FAM81A: variants seen among roughly 807,000 people sequenced by gnomAD.
The protein encoded by FAM81A is family with sequence similarity 81 member A, also known as protein FAM81A.
A neutral mutation model predicts 46.7 loss-of-function variants in FAM81A; 19 were observed. The observed-to-expected ratio is 0.41, with a 90% CI of 0.28 to 0.60. The LOEUF is 0.60. Ranked by LOEUF, FAM81A falls within the 20% of genes least tolerant of loss-of-function variation. FAM81A has a pLI of 0.34. For missense variants in FAM81A, 377 were observed against 453.5 expected, an observed-to-expected ratio of 0.83 and a Z score of 1.53; for synonymous variants, 183 against 152.9, an observed-to-expected ratio of 1.20 and a Z score of -1.45.
intron 3 of FAM81A, among the ~76,000 whole-genome samples, chr15:59,478,238 C>T (rs951814338): frequency 6.6e-6 from 1 of 152,164 alleles, no homozygotes; most frequent in Non-Finnish European, 1.5e-5. Flanking sequence ...TACTTTAGTT[C>T]CCATGTGCTC....
intron 4 of FAM81A, among the ~76,000 whole-genome samples, chr15:59,502,938 G>A (rs2082110515): frequency 6.6e-6 from 1 of 152,026 alleles, no homozygotes; most frequent in East Asian, 1.9e-4. Context: ...GAAAGAATCA[G>A]AAATGCAATT....
chr15:59,467,635 A>G (rs1002029968), intron 3 of FAM81A, among the ~76,000 whole-genome samples: 1 of 152,184 alleles, frequency 6.6e-6, no homozygotes, highest in South Asian at 2.1e-4. Context: ...TTCTAAATAT[A>G]CAATCATGTC....
At chr15:59,502,437 A>T (rs945065156) in intron 4 of FAM81A, among the ~76,000 whole-genome samples, 17 of 148,836 alleles carry the variant, frequency 1.1e-4, no homozygotes, top group Admixed American at 6.7e-4. Context: ...GGTGTTTGGT[A>T]TTTTGAAGAA....
At chr15:59,423,834 CTTA>C (rs1402253555) in intron 2 of FAM81A, among the ~76,000 whole-genome samples, 1 of 152,198 alleles carries the variant, frequency 6.6e-6, no homozygotes, top group African/African-American at 2.4e-5. Context: ...CTGCCTCTCT[CTTA>C]TATCACTGAT....
chr15:59,470,263 G>A (rs1489085363), intron 3 of FAM81A, among the ~76,000 whole-genome samples: 2 of 152,118 alleles, frequency 1.3e-5, no homozygotes, highest in East Asian at 3.8e-4. Context: ...TGGCTAGGTT[G>A]GGGAAATTCT....
At chr15:59,402,156 T>C (rs2081073960) in intron 1 of FAM81A, 1 of 244,906 alleles carries the variant, frequency 4.1e-6, no homozygotes, top group African/African-American at 2.3e-5. Flanking sequence ...TGCTATAAAG[T>C]AATAAACTCA....
chr15:59,418,285 A>T (rs184304656), intron 2 of FAM81A, among the ~76,000 whole-genome samples: 2 of 152,248 alleles, frequency 1.3e-5, no homozygotes, highest in African/African-American at 4.8e-5. Context: ...CAGAGGCAAC[A>T]AACAGTGACA....
At chr15:59,446,868 T>C (rs2081359155) in intron 1 of FAM81A, among the ~76,000 whole-genome samples, 1 of 152,194 alleles carries the variant, frequency 6.6e-6, no homozygotes, top group African/African-American at 2.4e-5. Context: ...TAAAAATTGA[T>C]AGCAAACTTC....
Position 59,426,434 on chromosome 15 carries a change from C to T in FAM81A, c.-78+24076C>T, listed in dbSNP as rs143864059. Among the ~76,000 whole-genome samples the T allele has an allele frequency of 2.0e-3, 304 of 152,210 alleles. 1 individual carries two copies. Among genetic ancestry groups the T allele is most frequent in the African/African-American group, 6.9e-3 (286 of 41,526 alleles). ...CAGCCTGACCAACATGAAGAAACCC[C>T]GTCTCTACTTCTCTACTAAAAATAC... is the stretch of plus-strand genomic sequence containing the variant. On this transcript the variant is annotated intron_variant, in intron 2 of 4. Transcript: ENST00000558348.
intron 3 of FAM81A, among the ~76,000 whole-genome samples, chr15:59,490,794 C>T (rs112867437): frequency 0.081 from 12,375 of 152,248 alleles, 600 homozygotes; most frequent in African/African-American, 0.13. Flanking sequence ...CGATATCATG[C>T]CACTACACTC....
rs766245869 is a variant in FAM81A, at chr15:59,521,211, TA to T, written c.983-36del. On this transcript the variant is annotated intron_variant, in intron 8 of 8. Transcript: ENST00000288228. The stretch of plus-strand genomic sequence containing the variant: ...TACTATAGAATTTGATACAGCATTT[TA>T]AAAAAATTGTTAACTGTTGTGAAAT... 824 of 1,583,018 alleles carry T rather than the reference TA, an allele frequency of 5.2e-4. 2 individuals carry two copies. Among genetic ancestry groups the T allele is most frequent in the Non-Finnish European group, 6.6e-4 (766 of 1,166,444 alleles).
rs2082347524 is a variant in FAM81A at position 59,523,489 on chromosome 15, T to A, written c.*2111T>A. On this transcript the variant is annotated 3_prime_UTR_variant, in exon 9 of 9. Transcript: ENST00000288228. ...CTTCTCACCAAAGCTCAAATGAGAA[T>A]CAGCTTCCATGTTCTTTCCTTTACC... is the stretch of plus-strand genomic sequence containing the variant. The A allele has an allele frequency of 6.6e-6, 1 of 152,242 alleles. No homozygotes were observed. 9.4% of individuals were successfully genotyped at this position (152,242 alleles called of 1,614,324 possible). A position where few individuals can be genotyped will look rare whatever the true frequency, so the allele number is the denominator to read the frequency against.
rs1010309097 is a variant in FAM81A, at chr15:59,420,178, C to G, written c.-78+17820C>G. Among the ~76,000 whole-genome samples, 77 of 152,184 alleles carry G rather than the reference C, an allele frequency of 5.1e-4. 1 individual carries two copies. Among genetic ancestry groups the G allele is most frequent in the African/African-American group, 1.7e-3 (72 of 41,444 alleles). On this transcript the variant is annotated intron_variant, in intron 2 of 4. Transcript: ENST00000558348. ...ATGTTCCTGCTAGGAAATTACAATT[C>G]AAGAAACAAACACAAGCAGGAAACA... is the stretch of plus-strand genomic sequence containing the variant.
chr15:59,398,907 C>T (rs917037993), intron 1 of FAM81A, among the ~76,000 whole-genome samples: 3 of 151,330 alleles, frequency 2.0e-5, no homozygotes, highest in South Asian at 2.1e-4. Context: ...TGATGGCTCA[C>T]GCCTGTAATC....
chr15:59,510,977 G>A (rs955193433), intron 6 of FAM81A, among the ~76,000 whole-genome samples: 1 of 151,670 alleles, frequency 6.6e-6, no homozygotes, highest in Non-Finnish European at 1.5e-5. Flanking sequence ...GTGAAATCCT[G>A]TCTCTATTAA....
intron 1 of FAM81A, among the ~76,000 whole-genome samples, chr15:59,444,488 C>G (rs1056235133): frequency 2.0e-5 from 3 of 152,188 alleles, no homozygotes; most frequent in Admixed American, 6.5e-5. Context: ...GAGAAACTAA[C>G]ATAGCATATT....
At chr15:59,510,717 G>A (rs1284359961) in intron 6 of FAM81A, among the ~76,000 whole-genome samples, 1 of 128,880 alleles carries the variant, frequency 7.8e-6, no homozygotes, top group African/African-American at 2.9e-5. Context: ...GGTTGAGGCT[G>A]TAGTGAGCTA....
intron 2 of FAM81A, among the ~76,000 whole-genome samples, chr15:59,428,120 A>G (rs2081203052): frequency 6.6e-6 from 1 of 152,110 alleles, no homozygotes; most frequent in South Asian, 2.1e-4. Context: ...ATGATGTCTC[A>G]CTGTAGTTTT....
upstream of FAM81A, among the ~76,000 whole-genome samples, chr15:59,437,459 G>A (rs1332429811): frequency 6.6e-6 from 1 of 152,064 alleles, no homozygotes; most frequent in Non-Finnish European, 1.5e-5. Flanking sequence ...AGAGGAAGGT[G>A]GAAAGAGCCA....
Sources: allele counts gnomAD v4.1 joint callset (sites outside exome capture counted in the v4.1 genomes callset), GRCh38; gene constraint gnomAD v4.1.1; transcripts MANE v1.5; gene names NCBI Gene and HGNC (gene_info 2026-07-23, HGNC 2026-07-21).